DDX10: variants seen among roughly 807,000 people sequenced by gnomAD.
The protein encoded by DDX10 is DEAD-box helicase 10, also known as probable ATP-dependent RNA helicase DDX10.
A neutral mutation model predicts 104.3 loss-of-function variants in DDX10; 74 were observed. The observed-to-expected ratio is 0.71, with a 90% CI of 0.59 to 0.86. The LOEUF (loss-of-function observed/expected upper bound fraction) is 0.86, where lower values mean the gene tolerates loss of function less well. Among genes scored for constraint, DDX10 ranks in the 40% least tolerant of loss-of-function variants. The pLI is 0.00. For missense variants in DDX10, 952 were observed against 1,040.0 expected, an observed-to-expected ratio of 0.92 and a Z score of 1.16; for synonymous variants, 351 against 353.4, an observed-to-expected ratio of 0.99 and a Z score of 0.08.
intron 13 of DDX10, among the ~76,000 whole-genome samples, chr11:108,737,629 G>T (rs2094319951): frequency 6.6e-6 from 1 of 152,190 alleles, no homozygotes; most frequent in Non-Finnish European, 1.5e-5. Flanking sequence ...TAATGTGCAT[G>T]AGATAGATAT....
At chr11:108,839,221 G>C (rs1394305373) in intron 14 of DDX10, among the ~76,000 whole-genome samples, 1 of 152,146 alleles carries the variant, frequency 6.6e-6, no homozygotes, top group Non-Finnish European at 1.5e-5. Context: ...GTTACAGTAG[G>C]TAGGGTCTTT....
At chr11:108,864,729 G>C (rs1862986602) in intron 16 of DDX10, among the ~76,000 whole-genome samples, 1 of 152,034 alleles carries the variant, frequency 6.6e-6, no homozygotes, top group Non-Finnish European at 1.5e-5. Flanking sequence ...CAAAGTACTG[G>C]GATTACAGGT....
intron 9 of DDX10, among the ~76,000 whole-genome samples, chr11:108,700,102 C>T (rs2094265550): frequency 6.6e-6 from 1 of 152,142 alleles, no homozygotes; most frequent in African/African-American, 2.4e-5. Context: ...GGAGATCTGT[C>T]ATTAATATGT....
In DDX10 at chr11:108,716,414, A is replaced by G. The variant is rs538626321; in HGVS notation, c.1410+448A>G. Among the ~76,000 whole-genome samples the G allele has an allele frequency of 7.9e-5, 12 of 152,292 alleles. No homozygotes were observed. In the East Asian group the frequency reaches 2.3e-3, roughly 29 times the overall value. ...GCCTGGCCAGTCTAGCTTATTCTTT[A>G]AAATTTTGAAAAATATTTTTTATAT... On this transcript the variant is annotated intron_variant, in intron 11 of 17. Transcript: ENST00000322536.
At chr11:108,689,625 T>A (rs2094249319) in intron 7 of DDX10, among the ~76,000 whole-genome samples, 1 of 152,214 alleles carries the variant, frequency 6.6e-6, no homozygotes, top group African/African-American at 2.4e-5. Flanking sequence ...TCTTGAACAC[T>A]AGCCCTGTGC....
chr11:108,747,428 A>T (rs2094333181), intron 13 of DDX10, among the ~76,000 whole-genome samples: 1 of 152,106 alleles, frequency 6.6e-6, no homozygotes. Flanking sequence ...TTAGCATGGG[A>T]TGGAAGAGTT....
chr11:108,898,802 G>C (rs150499985), intron 16 of DDX10, among the ~76,000 whole-genome samples: 1 of 152,278 alleles, frequency 6.6e-6, no homozygotes, highest in East Asian at 1.9e-4. Flanking sequence ...GTGGCGTCCA[G>C]AAGAGCAGAG....
Position 108,838,499 on chromosome 11 carries a change from A to C in DDX10, c.2019A>C (p.Glu673Asp). The C allele has an allele frequency of 1.2e-6, 2 of 1,613,204 alleles. No homozygotes were observed. Among genetic ancestry groups the C allele is most frequent in the South Asian group, 1.1e-5 (1 of 90,946 alleles). Reference protein sequence around the residue: ...SIKKKMTKVAEAKKVMKRNFK... With the variant: ...SIKKKMTKVADAKKVMKRNFK... ...AGAAAAAAATGACCAAAGTTGCAGA[A>C]GCAAAAAAAGTAATGAAGAGAAATT... Residue 673 changes from glutamate to aspartate, a missense_variant, in exon 14 of 18, where the codon GAA (glutamate) becomes GAC (aspartate). Coordinates refer to ENST00000322536, the MANE Select transcript of DDX10 (RefSeq NM_004398.4).
At chr11:108,754,019 C>G (rs1004561666) in intron 13 of DDX10, among the ~76,000 whole-genome samples, 2 of 151,894 alleles carry the variant, frequency 1.3e-5, no homozygotes, top group Non-Finnish European at 2.9e-5. Context: ...CCTGATTTAT[C>G]TTTTGCATTT....
intron 13 of DDX10, among the ~76,000 whole-genome samples, chr11:108,817,227 C>T (rs911367561): frequency 6.6e-6 from 1 of 152,194 alleles, no homozygotes. Context: ...TACCTCCTGA[C>T]TCTGTCCTGT....
At chr11:108,929,344 A>G (rs1226767492) in intron 17 of DDX10, among the ~76,000 whole-genome samples, 2 of 152,222 alleles carry the variant, frequency 1.3e-5, no homozygotes, top group African/African-American at 4.8e-5. Flanking sequence ...CTGAGGCAAG[A>G]CCTGAAGAAT....
intron 13 of DDX10, among the ~76,000 whole-genome samples, chr11:108,751,805 T>G (rs2094339090): frequency 6.6e-6 from 1 of 152,242 alleles, no homozygotes; most frequent in Non-Finnish European, 1.5e-5. Context: ...ATCTTCAGTT[T>G]AAGTCGACTG....
In DDX10 at chr11:108,686,933, C is replaced by T. The variant is rs566836474; in HGVS notation, c.849-2003C>T. On this transcript the variant is annotated intron_variant, in intron 6 of 17. Coordinates refer to ENST00000322536, the MANE Select transcript of DDX10 (RefSeq NM_004398.4). ...CCAAGTAGCTGGGACTACAGGTGCC[C>T]GCCACCACGCCCGGCTACTTTTTTT... is the stretch of plus-strand genomic sequence containing the variant. Among the ~76,000 whole-genome samples the T allele has an allele frequency of 5.3e-5, 8 of 151,858 alleles. No individual in the cohort carries two copies. In the South Asian group the frequency reaches 6.2e-4, roughly 12 times the overall value.
At chr11:108,783,815 C>T (rs920648349) in intron 13 of DDX10, among the ~76,000 whole-genome samples, 6 of 152,154 alleles carry the variant, frequency 3.9e-5, no homozygotes, top group African/African-American at 1.4e-4. Flanking sequence ...GCCCCTTTTC[C>T]TCTCTCCCGC....
At chr11:108,869,740 A>AT (rs887294089) in intron 16 of DDX10, among the ~76,000 whole-genome samples, 1 of 152,026 alleles carries the variant, frequency 6.6e-6, no homozygotes, top group African/African-American at 2.4e-5. Flanking sequence ...CAATGTGTTC[A>AT]TTTTTTAAGA....
chr11:108,864,807 T>A (rs1862987661), intron 16 of DDX10, among the ~76,000 whole-genome samples: 1 of 152,086 alleles, frequency 6.6e-6, no homozygotes. Flanking sequence ...TTTCCACTTT[T>A]GGTTTGGCTA....
At position 108,794,832 on chromosome 11, in the gene DDX10, C is replaced by CT. The variant is rs969705921; in HGVS notation, c.1966-43602dup. On this transcript the variant is annotated intron_variant, in intron 13 of 17. Coordinates refer to ENST00000322536, the MANE Select transcript of DDX10 (RefSeq NM_004398.4). Reference sequence around the variant, plus strand: ...CCTATAGTTTTTTCTCTCTCTCTCTCTTTTTTTTTTTTGAGACAGGAGCTC... The same window carrying CT: ...CCTATAGTTTTTTCTCTCTCTCTCTCTTTTTTTTTTTTTGAGACAGGAGCTC... Among the ~76,000 whole-genome samples the CT allele has an allele frequency of 2.7e-3, 398 of 144,876 alleles. 1 individual carries two copies. Among genetic ancestry groups the CT allele is most frequent in the East Asian group, 5.8e-3 (29 of 5,018 alleles).
At chr11:108,801,367 A>G (rs529197688) in intron 13 of DDX10, among the ~76,000 whole-genome samples, 1 of 152,170 alleles carries the variant, frequency 6.6e-6, no homozygotes, top group Non-Finnish European at 1.5e-5. Flanking sequence ...AATGCTTGAG[A>G]TAAGTGTACT....
chr11:108,697,192 A>G (rs546152663), intron 9 of DDX10, among the ~76,000 whole-genome samples: 4 of 148,752 alleles, frequency 2.7e-5, no homozygotes, highest in South Asian at 4.3e-4. Context: ...TTTTAGATGT[A>G]TAGTATGTGG....
Sources: allele counts gnomAD v4.1 joint callset (sites outside exome capture counted in the v4.1 genomes callset), GRCh38; gene constraint gnomAD v4.1.1; transcripts MANE v1.5; gene names NCBI Gene and HGNC (gene_info 2026-07-23, HGNC 2026-07-21).